The following ASAP1 variants were observed in gnomAD, a reference collection of about 807,000 sequenced individuals.
ASAP1 encodes arf-GAP with SH3 domain, ANK repeat and PH domain-containing protein 1.
In ASAP1, 43 loss-of-function variants were observed where a neutral mutation model predicts 145.2. The ratio of observed to expected loss-of-function variants is 0.30; its 90% CI spans 0.23 to 0.38. ASAP1 has a LOEUF of 0.38. ASAP1 is among the 10% of genes least tolerant of loss of function. The pLI, the probability that ASAP1 is intolerant of heterozygous loss-of-function variation, is 1.00. For synonymous variants in ASAP1, 546 were observed against 515.5 expected (o/e 1.06, Z -0.80); for missense variants, 1,018 against 1,355.3 (o/e 0.75, Z 3.91).
chr8:130,331,698 G>A (rs1291283103), intron 3 of ASAP1, among the ~76,000 whole-genome samples: 4 of 152,132 alleles, frequency 2.6e-5, no homozygotes, highest in Admixed American at 6.6e-5. Context: ...GAGGTGCCAA[G>A]CCCTCAAAAT....
At chr8:130,395,955 C>T (rs1159004629) in intron 2 of ASAP1, among the ~76,000 whole-genome samples, 6 of 152,272 alleles carry the variant, frequency 3.9e-5, no homozygotes, top group East Asian at 3.9e-4. Context: ...TGTGAGCCAC[C>T]GCGCCTGGCC....
intron 26 of ASAP1, among the ~76,000 whole-genome samples, chr8:130,077,382 G>A (rs1361987400): frequency 8.5e-5 from 13 of 152,158 alleles, no homozygotes; most frequent in Admixed American, 8.5e-4. Flanking sequence ...TTTAACAAGA[G>A]GTTTTGGCGA....
intron 2 of ASAP1, among the ~76,000 whole-genome samples, chr8:130,378,503 G>A (rs1827609311): frequency 6.6e-6 from 1 of 152,224 alleles, no homozygotes; most frequent in Admixed American, 6.5e-5. Context: ...GCACATAGAT[G>A]TGGAGTGGTG....
intron 8 of ASAP1, 139 bp downstream of exon 8, chr8:130,180,612 G>A: frequency 1.8e-6 from 2 of 1,108,998 alleles, no homozygotes; most frequent in Non-Finnish European, 2.5e-6. Context: ...GGAGAAAAAT[G>A]GAGATTAGAA....
chr8:130,200,630 C>T (rs552007310), intron 5 of ASAP1, among the ~76,000 whole-genome samples: 2 of 152,246 alleles, frequency 1.3e-5, no homozygotes, highest in African/African-American at 4.8e-5. Flanking sequence ...AGGGTGTACA[C>T]ACAAACACAC....
intron 2 of ASAP1, among the ~76,000 whole-genome samples, chr8:130,360,162 CA>C (rs2138183921): frequency 6.6e-6 from 1 of 152,322 alleles, no homozygotes; most frequent in East Asian, 1.9e-4. Flanking sequence ...CAGAACTAGA[CA>C]ACTCACAAAT....
At chr8:130,440,213 T>G (rs1440579072) in intron 1 of ASAP1, among the ~76,000 whole-genome samples, 7 of 152,170 alleles carry the variant, frequency 4.6e-5, no homozygotes, top group Admixed American at 4.6e-4. Context: ...CTTTGCCCCC[T>G]ATGATCCATC....
intron 27 of ASAP1, among the ~76,000 whole-genome samples, chr8:130,069,224 A>G (rs1174617190): frequency 3.3e-5 from 5 of 152,196 alleles, no homozygotes. Flanking sequence ...ATGGAAATTG[A>G]TACAGTTAAA....
At chr8:130,242,261 T>TAAAC (rs1554855669) in intron 3 of ASAP1, among the ~76,000 whole-genome samples, 1,030 of 85,368 alleles carry the variant, frequency 0.012, 9 homozygotes, top group African/African-American at 0.047. Context: ...GTGATTTCCT[T>TAAAC]AAAAAAAAAA....
intron 9 of ASAP1, among the ~76,000 whole-genome samples, chr8:130,174,486 G>T (rs999460111): frequency 6.6e-6 from 1 of 152,166 alleles, no homozygotes; most frequent in African/African-American, 2.4e-5. Context: ...ACATGTAACT[G>T]AGTATTTACT....
At chr8:130,110,065 A>G (rs1267264292) in intron 24 of ASAP1, among the ~76,000 whole-genome samples, 2 of 152,216 alleles carry the variant, frequency 1.3e-5, no homozygotes. Context: ...AAATAAATTT[A>G]GTCTTTGTCT....
At chr8:130,057,875 G>A in intron 29 of ASAP1, 79 bp downstream of exon 29, 1 of 1,577,948 alleles carries the variant, frequency 6.3e-7, no homozygotes, top group Non-Finnish European at 8.7e-7. Context: ...TTACTGCACT[G>A]TCTGTAGGCT....
rs190884474 is a variant in ASAP1, at chr8:130,357,153, T to A, written c.186+864A>T. On this transcript the variant is annotated intron_variant, in intron 3 of 29. Transcript: ENST00000518721. ...CCTCTTTGCCCATACCACTCTCTCA[T>A]TAACTCACTGAAAATCCTAAAGAAA... Among the ~76,000 whole-genome samples the A allele has an allele frequency of 6.5e-4, 99 of 152,308 alleles. No homozygotes were observed. The East Asian group carries it at 0.014, about 22-fold the overall frequency.
intron 13 of ASAP1, among the ~76,000 whole-genome samples, chr8:130,140,071 C>T (rs1352045058): frequency 2.1e-5 from 3 of 145,928 alleles, no homozygotes; most frequent in Admixed American, 6.8e-5. Context: ...CTCGCTTTGT[C>T]GGCCAGGCTA....
chr8:130,366,387 C>T (rs189535367), intron 2 of ASAP1, among the ~76,000 whole-genome samples: 31 of 152,330 alleles, frequency 2.0e-4, no homozygotes, highest in Non-Finnish European at 1.8e-4. Context: ...AGAGAAGCTT[C>T]CCAGCACATG....
intron 4 of ASAP1, 22 bp from the exon 5 acceptor site, chr8:130,214,723 A>C: frequency 6.4e-7 from 1 of 1,562,594 alleles, no homozygotes; most frequent in Non-Finnish European, 8.7e-7. Flanking sequence ...AAAGAAGAAG[A>C]AAGGAGTCTG....
chr8:130,296,878 G>A (rs1822312485), intron 3 of ASAP1, among the ~76,000 whole-genome samples: 1 of 152,048 alleles, frequency 6.6e-6, no homozygotes, highest in African/African-American at 2.4e-5. Flanking sequence ...CCCTCTCCCT[G>A]GCCAGGGGTT....
chr8:130,077,450 G>A (rs1204850404), intron 26 of ASAP1, among the ~76,000 whole-genome samples: 1 of 151,616 alleles, frequency 6.6e-6, no homozygotes, highest in Non-Finnish European at 1.5e-5. Context: ...CCAAGTGCCT[G>A]AGCCCCATCT....
intron 27 of ASAP1, among the ~76,000 whole-genome samples, chr8:130,068,628 T>C (rs2395989): frequency 0.16 from 23,928 of 152,190 alleles, 2,498 homozygotes; most frequent in East Asian, 0.44. Context: ...TATGGGTATA[T>C]ATGATCCAGA....
Sources: gnomAD v4.1 joint callset for allele counts (sites outside exome capture counted in the v4.1 genomes callset) on GRCh38, gnomAD v4.1.1 for gene constraint, MANE v1.5 for transcripts, NCBI Gene and HGNC (gene_info 2026-07-23, HGNC 2026-07-21) for gene names.